Variants in ABLIM2 observed in about 807,000 individuals in gnomAD.
ABLIM2 encodes the protein actin binding LIM protein family member 2.
A neutral mutation model predicts 97.7 loss-of-function variants in ABLIM2; 53 were observed. That is an observed-to-expected ratio of 0.54 (90% CI 0.44 to 0.68). The LOEUF (loss-of-function observed/expected upper bound fraction) is 0.68, where lower values mean the gene tolerates loss of function less well. Among genes scored for constraint, ABLIM2 ranks in the 30% least tolerant of loss-of-function variants. The pLI is 0.00. For missense variants in ABLIM2, 835 were observed against 867.2 expected, an observed-to-expected ratio of 0.96 and a Z score of 0.47; for synonymous variants, 361 against 345.8, an observed-to-expected ratio of 1.04 and a Z score of -0.49.
chr4:8,094,583 T>C (rs1180926778), intron 3 of ABLIM2, among the ~76,000 whole-genome samples: 1 of 152,220 alleles, frequency 6.6e-6, no homozygotes, highest in Non-Finnish European at 1.5e-5. Flanking sequence ...TTCTATACAA[T>C]ATCTGGAATC....
rs1481653462 is a variant in ABLIM2, at chr4:7,999,858, C to A, written c.1619-6931G>T. The stretch of plus-strand genomic sequence containing the variant: ...TGCCATAGCCACCTTGCCCTCAGCA[C>A]CCCGCCAGGCCTGCTCTTGGGGCCC... On this transcript the variant is annotated intron_variant, in intron 16 of 20. Coordinates refer to ENST00000447017, the MANE Select transcript of ABLIM2 (RefSeq NM_001130083.2). This position sits in a 1 kb window ranked among gnomAD's most constrained non-coding sequence, Gnocchi z 4.4. Among the ~76,000 whole-genome samples, 1 of 152,214 alleles carries A rather than the reference C, an allele frequency of 6.6e-6. No homozygotes were observed. Among genetic ancestry groups the A allele is most frequent in the African/African-American group, 2.4e-5 (1 of 41,462 alleles).
intron 3 of ABLIM2, 97 bp downstream of exon 3, chr4:8,097,002 C>A: frequency 1.4e-6 from 2 of 1,409,334 alleles, no homozygotes; most frequent in Non-Finnish European, 1.9e-6. Context: ...GAGGGCGGGT[C>A]ACGGGAGGGA....
At chr4:7,989,321 C>G in intron 17 of ABLIM2, 1 of 783,600 alleles carries the variant, frequency 1.3e-6, no homozygotes, top group Non-Finnish European at 1.5e-6. Flanking sequence ...TCAAGTGATC[C>G]ACCCACCTCG....
chr4:8,139,611 G>C (rs1850670443), intron 1 of ABLIM2, among the ~76,000 whole-genome samples: 1 of 152,190 alleles, frequency 6.6e-6, no homozygotes, highest in Non-Finnish European at 1.5e-5. Flanking sequence ...ACAAATGCTT[G>C]CGAGGCTGTG....
rs945584721 is a variant in ABLIM2 at position 8,149,528 on chromosome 4, G to A, written c.10+9152C>T. 6.6e-6 allele frequency among the ~76,000 whole-genome samples: 1 copy of A among 151,964 alleles called. No homozygotes were observed. Among genetic ancestry groups the A allele is most frequent in the Non-Finnish European group, 1.5e-5 (1 of 67,984 alleles). ...AGGAAGGAGGGAAGCAGAGGGCCTAGAGATGGGAAGAAAGCTTCACAGAGG... is the reference window on the plus strand; with the variant it reads ...AGGAAGGAGGGAAGCAGAGGGCCTAAAGATGGGAAGAAAGCTTCACAGAGG... On this transcript the variant is annotated intron_variant, in intron 1 of 20. Transcript: ENST00000447017. This position sits in a 1 kb window ranked among gnomAD's most constrained non-coding sequence, Gnocchi z 6.4.
chr4:8,031,189 A>G (rs1780708243), intron 10 of ABLIM2, among the ~76,000 whole-genome samples: 1 of 152,174 alleles, frequency 6.6e-6, no homozygotes, highest in South Asian at 2.1e-4. Flanking sequence ...CCACCTCTGG[A>G]CCAGAAGCCT....
chr4:8,027,214 G>A (rs1032782230), intron 12 of ABLIM2, among the ~76,000 whole-genome samples: 5 of 152,188 alleles, frequency 3.3e-5, no homozygotes, highest in Non-Finnish European at 5.9e-5. Flanking sequence ...AAACATGAGC[G>A]TGGCCGTTTC....
rs1200909917 is a variant in ABLIM2, at chr4:8,127,555, C to G, written c.11-20918G>C. The G allele has an allele frequency of 3.9e-6, 5 of 1,289,638 alleles. No individual in the cohort carries two copies. In the Admixed American group the frequency reaches 1.1e-4, roughly 30 times the overall value. The allele number at this position is 1,289,638 out of a possible 1,614,324, so 79.9% of individuals were successfully genotyped here. On this transcript the variant is annotated intron_variant, in intron 1 of 20. Coordinates refer to ENST00000447017, the MANE Select transcript of ABLIM2 (RefSeq NM_001130083.2). The surrounding 1 kb of genome is among the most constrained non-coding windows in gnomAD (Gnocchi z 7.3). ...GCAGTTTGGGGATTTACCTGTGTCTCCCCCTGGCACCCCCATGGAGCGTGG... is the reference window on the plus strand; with the variant it reads ...GCAGTTTGGGGATTTACCTGTGTCTGCCCCTGGCACCCCCATGGAGCGTGG...
At chr4:7,968,269 T>C (rs1270840198) in intron 20 of ABLIM2, among the ~76,000 whole-genome samples, 1 of 152,240 alleles carries the variant, frequency 6.6e-6, no homozygotes, top group African/African-American at 2.4e-5. Flanking sequence ...GTGGGGAGTT[T>C]TCTGTAGTTC....
intron 4 of ABLIM2, among the ~76,000 whole-genome samples, chr4:8,086,853 C>G (rs1199964080): frequency 2.0e-5 from 3 of 151,764 alleles, no homozygotes; most frequent in Non-Finnish European, 2.9e-5. Flanking sequence ...GCAGTCAATC[C>G]AGGCCCCAGC....
In ABLIM2 at chr4:8,158,535, C is replaced by G. The variant is rs1354144214; in HGVS notation, c.10+145G>C. 2.3e-5 allele frequency: 24 copies of G among 1,032,748 alleles called. No individual in the cohort carries two copies. In the Admixed American group the frequency reaches 6.3e-4, roughly 27 times the overall value. The allele number at this position is 1,032,748 out of a possible 1,614,324, so 64.0% of individuals were successfully genotyped here. A position where few individuals can be genotyped will look rare whatever the true frequency, so the allele number is the denominator to read the frequency against. Reference sequence around the variant, plus strand: ...AGGGCTGCGCTCTGGCCCCTCGGGGCTGCAAAATCCTGGAGCAAAAGTTGG... The same window carrying G: ...AGGGCTGCGCTCTGGCCCCTCGGGGGTGCAAAATCCTGGAGCAAAAGTTGG... On this transcript the variant is annotated intron_variant, in intron 1 of 20. Transcript: ENST00000447017.
chr4:8,080,038 C>G (rs892512892), intron 5 of ABLIM2, among the ~76,000 whole-genome samples: 1 of 152,188 alleles, frequency 6.6e-6, no homozygotes, highest in Non-Finnish European at 1.5e-5. Context: ...TAAAACCGAC[C>G]CCCAGCTCCT....
In ABLIM2 at chr4:7,986,786, C is replaced by A. The variant is rs1399615015; in HGVS notation, c.1681-1893G>T. 6.6e-6 allele frequency among the ~76,000 whole-genome samples: 1 copy of A among 152,134 alleles called. No individual in the cohort carries two copies. The highest frequency in any genetic ancestry group is 1.5e-5 in the Non-Finnish European group (1 of 68,032). On this transcript the variant is annotated intron_variant, in intron 17 of 20. Coordinates refer to ENST00000447017, the MANE Select transcript of ABLIM2 (RefSeq NM_001130083.2). The surrounding 1 kb of genome is among the most constrained non-coding windows in gnomAD (Gnocchi z 4.3). ...CTCCCGGGTTCAAGTGATTCTCCTG[C>A]CTCAGCCTCCTGAGCAGCTGGGATT...
intron 1 of ABLIM2, among the ~76,000 whole-genome samples, chr4:8,156,101 C>T (rs1715230408): frequency 6.6e-6 from 1 of 152,164 alleles, no homozygotes; most frequent in African/African-American, 2.4e-5. Context: ...CCAGCAGCTG[C>T]CCAGGAGGAT....
At chr4:8,143,271 C>T (rs1222024495) in intron 1 of ABLIM2, among the ~76,000 whole-genome samples, 1 of 152,088 alleles carries the variant, frequency 6.6e-6, no homozygotes, top group African/African-American at 2.4e-5. Flanking sequence ...GTCTCCACCC[C>T]TCTAAGGAAG....
intron 16 of ABLIM2, chr4:8,006,963 G>A: frequency 3.2e-6 from 3 of 934,222 alleles, no homozygotes; most frequent in Non-Finnish European, 3.8e-6. Context: ...CCCCAGGCGG[G>A]GGCAGAGGCC....
At chr4:7,968,620 C>G (rs566995718) in intron 20 of ABLIM2, among the ~76,000 whole-genome samples, 1 of 152,148 alleles carries the variant, frequency 6.6e-6, no homozygotes, top group African/African-American at 2.4e-5. Context: ...CTGAAGTGTC[C>G]GGAACAGGCA....
At position 8,056,308 on chromosome 4, in the gene ABLIM2, T is replaced by TC. The variant is rs1456510092; in HGVS notation, c.764-2063_764-2062insG. 4.8e-5 allele frequency among the ~76,000 whole-genome samples: 7 copies of TC among 146,438 alleles called. No homozygotes were observed. In the East Asian group the frequency reaches 6.1e-4, roughly 13 times the overall value. Reference sequence around the variant, plus strand: ...ACAGTTTCTTCTTTCTTTCTTTCTTTTTTTTTTTTTTTTTGAGACAGGGTC... The same window carrying TC: ...ACAGTTTCTTCTTTCTTTCTTTCTTTCTTTTTTTTTTTTTTGAGACAGGGTC... On this transcript the variant is annotated intron_variant, in intron 7 of 20. Coordinates refer to ENST00000447017, the MANE Select transcript of ABLIM2 (RefSeq NM_001130083.2).
At chr4:8,151,528 T>C (rs530131040) in intron 1 of ABLIM2, among the ~76,000 whole-genome samples, 2 of 152,252 alleles carry the variant, frequency 1.3e-5, no homozygotes, top group Admixed American at 6.5e-5. Context: ...GAGGCCCAAG[T>C]ACTGCTCACC....
Sources: gnomAD v4.1 joint callset for allele counts (sites outside exome capture counted in the v4.1 genomes callset) on GRCh38, gnomAD v4.1.1 for gene constraint, Gnocchi (gnomAD v3.1) non-coding constraint, MANE v1.5 for transcripts, NCBI Gene and HGNC (gene_info 2026-07-23, HGNC 2026-07-21) for gene names.